The following SPOPL variants were observed in gnomAD, a reference collection of about 807,000 sequenced individuals.
The protein encoded by SPOPL is speckle type BTB/POZ protein like, also known as speckle-type POZ protein-like.
A neutral mutation model predicts 53.8 loss-of-function variants in SPOPL; 23 were observed. That is an observed-to-expected ratio of 0.43 (90% CI 0.31 to 0.61). SPOPL has a LOEUF of 0.61. Ranked by LOEUF, SPOPL falls within the 20% of genes least tolerant of loss-of-function variation. The pLI is 0.12. For synonymous variants in SPOPL, 164 were observed against 149.7 expected (o/e 1.10, Z -0.70); for missense variants, 442 against 466.9 (o/e 0.95, Z 0.49).
intron 5 of SPOPL, among the ~76,000 whole-genome samples, chr2:138,557,057 G>A (rs938385758): frequency 6.6e-6 from 1 of 152,124 alleles, no homozygotes; most frequent in Non-Finnish European, 1.5e-5. Context: ...TCGGGAGGCT[G>A]AGGCAGGAGA....
At chr2:138,505,434 A>G (rs1346450637) in intron 1 of SPOPL, among the ~76,000 whole-genome samples, 1 of 151,808 alleles carries the variant, frequency 6.6e-6, no homozygotes, top group East Asian at 1.9e-4. Flanking sequence ...TCATGGAGGC[A>G]GAAGTCTGTT....
At position 138,545,153 on chromosome 2, in the gene SPOPL, C is replaced by G. The variant is rs139040293; in HGVS notation, c.-60-5004C>G. Among the ~76,000 whole-genome samples, 326 of 152,288 alleles carry G rather than the reference C, an allele frequency of 2.1e-3. 2 individuals are homozygous for G. Among genetic ancestry groups the G allele is most frequent in the Middle Eastern group, 0.014 (4 of 294 alleles). On this transcript the variant is annotated intron_variant, in intron 1 of 10. Coordinates refer to ENST00000280098, the MANE Select transcript of SPOPL (RefSeq NM_001001664.3). ...AGGCAGGTGAAACTGGCCCTTCAGTCAGTCCTTCAGGGAATTGCCAGACTG... is the reference window on the plus strand; with the variant it reads ...AGGCAGGTGAAACTGGCCCTTCAGTGAGTCCTTCAGGGAATTGCCAGACTG...
At chr2:138,557,054 G>C (rs12476504) in intron 5 of SPOPL, among the ~76,000 whole-genome samples, 5,699 of 152,216 alleles carry the variant, frequency 0.037, 180 homozygotes, top group Middle Eastern at 0.092. Context: ...TACTCGGGAG[G>C]CTGAGGCAGG....
intron 1 of SPOPL, among the ~76,000 whole-genome samples, chr2:138,549,616 C>T (rs1685270905): frequency 6.6e-6 from 1 of 152,086 alleles, no homozygotes; most frequent in African/African-American, 2.4e-5. Flanking sequence ...TATCAGAGAA[C>T]CTGTTGTCTG....
intron 1 of SPOPL, among the ~76,000 whole-genome samples, chr2:138,510,055 G>A (rs1000420861): frequency 1.3e-5 from 2 of 152,072 alleles, no homozygotes; most frequent in African/African-American, 4.8e-5. Context: ...TGGCTCAATA[G>A]CTCATTTCTT....
chr2:138,515,304 T>C (rs2104859324), intron 1 of SPOPL, among the ~76,000 whole-genome samples: 1 of 152,344 alleles, frequency 6.6e-6, no homozygotes, highest in East Asian at 1.9e-4. Flanking sequence ...TACACAATGC[T>C]GGAATGCGCT....
chr2:138,562,596 C>T (rs947596986), intron 8 of SPOPL, among the ~76,000 whole-genome samples: 1 of 151,728 alleles, frequency 6.6e-6, no homozygotes, highest in African/African-American at 2.4e-5. Context: ...ACCAGCCTGG[C>T]CAACATGGTG....
chr2:138,514,793 T>A (rs938247849), intron 1 of SPOPL, among the ~76,000 whole-genome samples: 6 of 152,186 alleles, frequency 3.9e-5, no homozygotes, highest in Non-Finnish European at 7.3e-5. Context: ...TTTCCAAAGT[T>A]GTTGTACCAA....
intron 5 of SPOPL, among the ~76,000 whole-genome samples, chr2:138,554,884 G>GTT (rs758763492): frequency 6.6e-6 from 1 of 152,028 alleles, no homozygotes; most frequent in Non-Finnish European, 1.5e-5. Flanking sequence ...TTCCCATCCT[G>GTT]TTTATCTTTT....
intron 5 of SPOPL, among the ~76,000 whole-genome samples, chr2:138,555,319 T>C (rs1261085889): frequency 6.6e-6 from 1 of 152,178 alleles, no homozygotes; most frequent in South Asian, 2.1e-4. Context: ...ATATGATCTT[T>C]GTGAAATACA....
At chr2:138,529,776 A>G (rs1330670856) in intron 1 of SPOPL, among the ~76,000 whole-genome samples, 3 of 152,136 alleles carry the variant, frequency 2.0e-5, no homozygotes, top group African/African-American at 4.8e-5. Context: ...TTTTATTGTT[A>G]TTACATTGAG....
rs769013040 is a variant in SPOPL, at chr2:138,571,826, C to G, written c.*2746C>G. 6.6e-6 allele frequency: 1 copy of G among 152,558 alleles called. No individual in the cohort carries two copies. The highest frequency in any genetic ancestry group is 2.4e-5 in the African/African-American group (1 of 41,408). 9.5% of individuals were successfully genotyped at this position (152,558 alleles called of 1,614,324 possible). On this transcript the variant is annotated 3_prime_UTR_variant, in exon 11 of 11. Transcript: ENST00000280098. ...ATTGGGTAACTGTTGTTTAGACCAA[C>G]ACTTAGAAATACTATATTTGTGCCT...
chr2:138,508,415 C>T (rs1377787643), intron 1 of SPOPL, among the ~76,000 whole-genome samples: 1 of 152,144 alleles, frequency 6.6e-6, no homozygotes, highest in African/African-American at 2.4e-5. Context: ...TCATTGCAAC[C>T]TCTGTCTCCT....
At chr2:138,537,890 A>G (rs999730701) in intron 1 of SPOPL, among the ~76,000 whole-genome samples, 1 of 152,130 alleles carries the variant, frequency 6.6e-6, no homozygotes, top group Non-Finnish European at 1.5e-5. Flanking sequence ...GAGTATGTCC[A>G]TGGAACTCCT....
chr2:138,523,319 A>G (rs879768300), intron 1 of SPOPL, among the ~76,000 whole-genome samples: 2 of 152,082 alleles, frequency 1.3e-5, no homozygotes, highest in Non-Finnish European at 2.9e-5. Flanking sequence ...ACCCACCCCC[A>G]TGATTTAGTC....
intron 1 of SPOPL, among the ~76,000 whole-genome samples, chr2:138,547,543 AC>A (rs1685221783): frequency 6.6e-6 from 1 of 152,126 alleles, no homozygotes; most frequent in African/African-American, 2.4e-5. Context: ...TATTACTTAA[AC>A]AGTAACATAG....
intron 1 of SPOPL, among the ~76,000 whole-genome samples, chr2:138,511,363 C>T (rs1046263049): frequency 1.2e-4 from 18 of 152,096 alleles, no homozygotes; most frequent in African/African-American, 2.4e-4. Context: ...CAGGTGTATT[C>T]GCACATGGGC....
intron 1 of SPOPL, among the ~76,000 whole-genome samples, chr2:138,511,260 C>G (rs1684317068): frequency 6.6e-6 from 1 of 152,134 alleles, no homozygotes; most frequent in African/African-American, 2.4e-5. Flanking sequence ...ACTGTTGTCT[C>G]TCTGCCTCTC....
At chr2:138,540,591 T>A (rs1685048540) in intron 1 of SPOPL, among the ~76,000 whole-genome samples, 1 of 152,220 alleles carries the variant, frequency 6.6e-6, no homozygotes, top group Admixed American at 6.5e-5. Flanking sequence ...CACATTGATT[T>A]TGTATCCTGA....
Sources: allele counts gnomAD v4.1 joint callset (sites outside exome capture counted in the v4.1 genomes callset), GRCh38; gene constraint gnomAD v4.1.1; transcripts MANE v1.5; gene names NCBI Gene and HGNC (gene_info 2026-07-23, HGNC 2026-07-21).